ERBB4: variants seen among roughly 807,000 people sequenced by gnomAD.
The protein encoded by ERBB4 is erb-b2 receptor tyrosine kinase 4.
ERBB4 carries 42 observed loss-of-function variants against 158.0 expected under a neutral mutation model. The observed-to-expected ratio is 0.27, with a 90% CI of 0.21 to 0.34. ERBB4 has a LOEUF of 0.34. ERBB4 is among the 10% of genes least tolerant of loss of function. The pLI, the probability that ERBB4 is intolerant of heterozygous loss-of-function variation, is 1.00. For missense variants in ERBB4, 1,333 were observed against 1,624.1 expected (o/e 0.82, Z 3.08); for synonymous variants, 583 against 558.7 (o/e 1.04, Z -0.61).
At chr2:211,848,955 G>A (rs1248329939) in intron 3 of ERBB4, among the ~76,000 whole-genome samples, 1 of 151,986 alleles carries the variant, frequency 6.6e-6, no homozygotes, top group Non-Finnish European at 1.5e-5. Flanking sequence ...ATGTCATTGA[G>A]CAAACTACAT....
intron 2 of ERBB4, among the ~76,000 whole-genome samples, chr2:212,045,411 T>C (rs112402206): frequency 9.2e-5 from 14 of 152,328 alleles, no homozygotes; most frequent in African/African-American, 3.1e-4. Context: ...TGAGCCAAGA[T>C]TGTGCCACTG....
chr2:211,774,047 C>T (rs936650590), intron 4 of ERBB4, among the ~76,000 whole-genome samples: 1 of 151,318 alleles, frequency 6.6e-6, no homozygotes, highest in Non-Finnish European at 1.5e-5. Flanking sequence ...TTAGATTGTT[C>T]AGATGCTCTG....
rs112051897 is a variant in ERBB4, at chr2:212,148,324, G to A, written c.83-23421C>T. On this transcript the variant is annotated intron_variant, in intron 1 of 27. Transcript: ENST00000342788. ...GAATATACTTATTAGCAGATACCTC[G>A]CATAATTCAAAAAAGAAGGAAAAAG... 6.7e-3 allele frequency among the ~76,000 whole-genome samples: 1,012 copies of A among 151,964 alleles called. 8 individuals are homozygous for A. The highest frequency in any genetic ancestry group is 0.024 in the Middle Eastern group (7 of 292).
chr2:212,258,706 C>T (rs2084829620), intron 1 of ERBB4, among the ~76,000 whole-genome samples: 1 of 151,040 alleles, frequency 6.6e-6, no homozygotes, highest in African/African-American at 2.4e-5. Context: ...AACCTAGTCT[C>T]AGAAATGTGT....
chr2:211,889,302 A>G (rs2078899570), intron 3 of ERBB4, among the ~76,000 whole-genome samples: 1 of 144,534 alleles, frequency 6.9e-6, no homozygotes, highest in South Asian at 2.1e-4. Flanking sequence ...GACACCTCAC[A>G]CGGCAGGGTA....
intron 20 of ERBB4, among the ~76,000 whole-genome samples, chr2:211,541,111 T>C (rs370370144): frequency 6.6e-6 from 1 of 151,904 alleles, no homozygotes; most frequent in East Asian, 1.9e-4. Flanking sequence ...AAAGGTACAA[T>C]GTGGTCTTTA....
intron 1 of ERBB4, among the ~76,000 whole-genome samples, chr2:212,366,030 C>T (rs968459353): frequency 6.6e-6 from 1 of 151,662 alleles, no homozygotes; most frequent in Non-Finnish European, 1.5e-5. Flanking sequence ...TAAGAAAATG[C>T]CCTAAAAATT....
intron 1 of ERBB4, among the ~76,000 whole-genome samples, chr2:212,518,127 T>C (rs1336863065): frequency 6.6e-6 from 1 of 152,054 alleles, no homozygotes; most frequent in Admixed American, 6.6e-5. Flanking sequence ...AAAATGTCAA[T>C]AGATCTATTT....
rs34396660 is a variant in ERBB4, at chr2:212,064,988, GGTGTGTGTGTGTGTGTGT to G, written c.234+59746_234+59763del. ...TCCACCACCATAACAACATCTTTAT[GGTGTGTGTGTGTGTGTGT>G]GTGTGTGTGTGTGTGTGTGTGTTGT... On this transcript the variant is annotated intron_variant, in intron 2 of 27. Coordinates refer to ENST00000342788, the MANE Select transcript of ERBB4 (RefSeq NM_005235.3). Among the ~76,000 whole-genome samples, 142 of 143,388 alleles carry G rather than the reference GGTGTGTGTGTGTGTGTGT, an allele frequency of 9.9e-4. 2 individuals are homozygous for G. The highest frequency in any genetic ancestry group is 1.3e-3 in the Admixed American group (19 of 14,376). The allele number at this position is 143,388 out of a possible 152,430, so 94.1% of individuals were successfully genotyped here.
At chr2:212,327,384 C>T (rs35422616) in intron 1 of ERBB4, among the ~76,000 whole-genome samples, 27,843 of 151,762 alleles carry the variant, frequency 0.18, 2,733 homozygotes, top group South Asian at 0.26. Context: ...CTTCAACAGA[C>T]GCAATCCAAG....
chr2:212,245,725 G>A (rs1559835572), intron 1 of ERBB4, among the ~76,000 whole-genome samples: 1 of 152,080 alleles, frequency 6.6e-6, no homozygotes, highest in Admixed American at 6.6e-5. Flanking sequence ...TTCCTATCCA[G>A]AGAGAAATCT....
intron 2 of ERBB4, among the ~76,000 whole-genome samples, chr2:211,973,268 C>G (rs2081507413): frequency 6.6e-6 from 1 of 150,956 alleles, no homozygotes; most frequent in African/African-American, 2.4e-5. Flanking sequence ...GTGGCGGGAT[C>G]TCAGCTCACT....
chr2:211,579,629 T>G (rs1362138955), intron 19 of ERBB4, among the ~76,000 whole-genome samples: 1 of 152,144 alleles, frequency 6.6e-6, no homozygotes, highest in East Asian at 1.9e-4. Context: ...TAAAAAGGAA[T>G]GAGATCATGT....
At chr2:212,013,293 A>C (rs1409879945) in intron 2 of ERBB4, among the ~76,000 whole-genome samples, 1 of 152,048 alleles carries the variant, frequency 6.6e-6, no homozygotes, top group African/African-American at 2.4e-5. Flanking sequence ...TAACATTCCG[A>C]AGAAGATTAT....
In ERBB4 at chr2:212,295,301, A is replaced by C. The variant is rs149358636; in HGVS notation, c.83-170398T>G. On this transcript the variant is annotated intron_variant, in intron 1 of 27. Transcript: ENST00000342788. ...TAAGAAACAAATTCAGCACATTAAG[A>C]AATGTGACTCACAAAACCACAAAAA... 5.6e-3 allele frequency among the ~76,000 whole-genome samples: 859 copies of C among 152,204 alleles called. 6 individuals are homozygous for C. The highest frequency in any genetic ancestry group is 0.018 in the African/African-American group (755 of 41,560).
At chr2:212,467,586 T>G (rs1688901943) in intron 1 of ERBB4, among the ~76,000 whole-genome samples, 1 of 152,208 alleles carries the variant, frequency 6.6e-6, no homozygotes, top group Admixed American at 6.5e-5. Flanking sequence ...TTGGGGAACC[T>G]CTGCCTAGAT....
chr2:211,646,813 CT>C (rs2070795482), intron 16 of ERBB4, among the ~76,000 whole-genome samples: 1 of 151,628 alleles, frequency 6.6e-6, no homozygotes, highest in Non-Finnish European at 1.5e-5. Context: ...AAACCACAAC[CT>C]GCTATTTTCC....
intron 1 of ERBB4, among the ~76,000 whole-genome samples, chr2:212,503,108 T>C (rs1057100312): frequency 2.0e-5 from 3 of 152,200 alleles, no homozygotes; most frequent in South Asian, 4.1e-4. Context: ...GAGAATCTGG[T>C]GCAAATGGTC....
chr2:212,102,558 T>C (rs2079114793), intron 2 of ERBB4, among the ~76,000 whole-genome samples: 3 of 152,134 alleles, frequency 2.0e-5, no homozygotes, highest in Admixed American at 2.0e-4. Flanking sequence ...CTTTCTAAAA[T>C]GTCGTGTGAT....
Sources: gnomAD v4.1 joint callset for allele counts (sites outside exome capture counted in the v4.1 genomes callset) on GRCh38, gnomAD v4.1.1 for gene constraint, MANE v1.5 for transcripts, NCBI Gene and HGNC (gene_info 2026-07-23, HGNC 2026-07-21) for gene names.